Variants in WWOX observed in about 807,000 individuals in gnomAD.
WWOX encodes WW domain-containing oxidoreductase.
A neutral mutation model predicts 46.2 loss-of-function variants in WWOX; 69 were observed. The observed-to-expected ratio is 1.49, with a 90% CI of 1.23 to 1.82. WWOX has a LOEUF of 1.82. Among genes scored for constraint, WWOX ranks in the 40% most tolerant of loss-of-function variants. WWOX has a pLI of 0.00. For synonymous variants in WWOX, 359 were observed against 202.6 expected (o/e 1.77, Z -6.56); for missense variants, 919 against 542.6 (o/e 1.69, Z -6.89).
intron 8 of WWOX, among the ~76,000 whole-genome samples, chr16:78,940,092 A>G (rs1362406490): frequency 6.6e-6 from 1 of 152,236 alleles, no homozygotes; most frequent in East Asian, 1.9e-4. Flanking sequence ...TGAGGTGGTC[A>G]TCATTTTATT....
chr16:79,110,933 A>T (rs963925125), intron 8 of WWOX: 1 of 152,228 alleles, frequency 6.6e-6, no homozygotes, highest in Non-Finnish European at 1.5e-5. Context: ...CATGCCTGGC[A>T]CAAGGCCTTA....
intron 8 of WWOX, among the ~76,000 whole-genome samples, chr16:78,704,920 GTT>G (rs11374229): frequency 6.9e-6 from 1 of 144,338 alleles, no homozygotes; most frequent in Non-Finnish European, 1.5e-5. Flanking sequence ...AATACAACTT[GTT>G]TTTTTTTTTT....
At chr16:78,253,248 T>A (rs1257216380) in intron 5 of WWOX, among the ~76,000 whole-genome samples, 2 of 152,216 alleles carry the variant, frequency 1.3e-5, no homozygotes, top group South Asian at 2.1e-4. Flanking sequence ...ACTCTTTCCA[T>A]CATATAACAC....
chr16:78,779,234 T>C (rs1284099272), intron 8 of WWOX, among the ~76,000 whole-genome samples: 1 of 152,182 alleles, frequency 6.6e-6, no homozygotes, highest in African/African-American at 2.4e-5. Context: ...AACATCTGCC[T>C]CCCTGGCTCA....
intron 8 of WWOX, among the ~76,000 whole-genome samples, chr16:78,472,324 A>G (rs1297437454): frequency 2.0e-5 from 3 of 152,194 alleles, no homozygotes; most frequent in Admixed American, 2.0e-4. Flanking sequence ...TGCATATTCC[A>G]AGCCTGTCAA....
intron 8 of WWOX, chr16:79,206,779 G>C (rs1038486799): frequency 3.9e-5 from 6 of 152,166 alleles, no homozygotes; most frequent in African/African-American, 1.4e-4. Context: ...TGGAAGAAGA[G>C]GGTGACTTAC....
At chr16:78,354,928 A>G (rs570316752) in intron 5 of WWOX, among the ~76,000 whole-genome samples, 2 of 152,044 alleles carry the variant, frequency 1.3e-5, no homozygotes, top group Non-Finnish European at 2.9e-5. Flanking sequence ...GAGGTCAGGA[A>G]TTCAAGACTA....
intron 8 of WWOX, among the ~76,000 whole-genome samples, chr16:78,454,457 T>C (rs181291445): frequency 2.7e-5 from 4 of 150,412 alleles, no homozygotes; most frequent in African/African-American, 9.9e-5. Flanking sequence ...AGTGTCCTGC[T>C]GTTTTTTTTC....
chr16:78,500,361 C>G (rs957058708), intron 8 of WWOX, among the ~76,000 whole-genome samples: 3 of 152,152 alleles, frequency 2.0e-5, no homozygotes, highest in Non-Finnish European at 4.4e-5. Context: ...GCACAAAATA[C>G]AGCCAACATT....
chr16:78,747,863 C>T (rs2049384809), intron 8 of WWOX, among the ~76,000 whole-genome samples: 2 of 152,156 alleles, frequency 1.3e-5, no homozygotes, highest in South Asian at 2.1e-4. Context: ...TATAATCTTT[C>T]TCTCTGCCTC....
At chr16:79,127,990 G>T (rs915957387) in intron 8 of WWOX, among the ~76,000 whole-genome samples, 1 of 152,196 alleles carries the variant, frequency 6.6e-6, no homozygotes, top group African/African-American at 2.4e-5. Flanking sequence ...ACAAGAGAGA[G>T]AGAAAGTGCA....
intron 8 of WWOX, among the ~76,000 whole-genome samples, chr16:79,058,879 C>G (rs1567521205): frequency 1.3e-5 from 2 of 152,032 alleles, no homozygotes; most frequent in Admixed American, 6.6e-5. Context: ...TACAGAAGAA[C>G]CAGAGAAGGA....
At chr16:79,002,017 A>G (rs965512562) in intron 8 of WWOX, among the ~76,000 whole-genome samples, 1 of 152,106 alleles carries the variant, frequency 6.6e-6, no homozygotes, top group Non-Finnish European at 1.5e-5. Flanking sequence ...GGTCTGGGGT[A>G]ACCACAAATC....
chr16:78,366,242 A>C (rs1345441549), intron 5 of WWOX, among the ~76,000 whole-genome samples: 1 of 152,248 alleles, frequency 6.6e-6, no homozygotes, highest in African/African-American at 2.4e-5. Flanking sequence ...TAACGCTGTT[A>C]TGTACGAAGT....
rs184882207 is a variant in WWOX at position 78,100,247 on chromosome 16, T to C, written c.107+362T>C. On this transcript the variant is annotated intron_variant, in intron 1 of 8. Coordinates refer to ENST00000566780, the MANE Select transcript of WWOX (RefSeq NM_016373.4). ...GCTCTGGGTTGCAGGGATAGGAGTT[T>C]TGTTGTGTTTTGTTTTGTTTTGTCC... The C allele has an allele frequency of 4.3e-5, 48 of 1,117,242 alleles. No homozygotes were observed. In the East Asian group the frequency reaches 3.5e-3, roughly 81 times the overall value. 69.2% of individuals were successfully genotyped at this position (1,117,242 alleles called of 1,614,324 possible).
At chr16:78,114,947 G>A in intron 3 of WWOX, 29 bp from the exon 4 acceptor site, 6 of 1,614,030 alleles carry the variant, frequency 3.7e-6, no homozygotes, top group Non-Finnish European at 4.2e-6. Context: ...GTTCATTGCT[G>A]TGGGTTCACT....
At chr16:78,556,890 T>C (rs1214004302) in intron 8 of WWOX, among the ~76,000 whole-genome samples, 2 of 152,048 alleles carry the variant, frequency 1.3e-5, no homozygotes, top group African/African-American at 4.8e-5. Context: ...GGCTAAGTTT[T>C]CTATTTTCAA....
chr16:79,108,283 G>A (rs530868169), intron 8 of WWOX, among the ~76,000 whole-genome samples: 2 of 152,230 alleles, frequency 1.3e-5, no homozygotes, highest in African/African-American at 4.8e-5. Flanking sequence ...GCGGGGTCCT[G>A]CAGTGCCTTC....
At chr16:78,432,450 G>A in intron 7 of WWOX, 38 bp from the exon 8 acceptor site, 2 of 1,610,088 alleles carry the variant, frequency 1.2e-6, no homozygotes, top group Non-Finnish European at 1.7e-6. Flanking sequence ...TGGGAAGTCA[G>A]AACTTGGTTG....
Sources: allele counts gnomAD v4.1 joint callset (sites outside exome capture counted in the v4.1 genomes callset), GRCh38; gene constraint gnomAD v4.1.1; transcripts MANE v1.5; gene names NCBI Gene and HGNC (gene_info 2026-07-23, HGNC 2026-07-21).